TIAM1: variants seen among roughly 807,000 people sequenced by gnomAD.
TIAM1 encodes the protein TIAM Rac1 associated GEF 1.
Under a neutral mutation model 163.5 loss-of-function variants are expected in TIAM1, and 65 were observed. That is an observed-to-expected ratio of 0.40 (90% CI 0.33 to 0.49). TIAM1 has a LOEUF of 0.49. TIAM1 is among the 20% of genes least tolerant of loss of function. The pLI, the probability that TIAM1 is intolerant of heterozygous loss-of-function variation, is 0.77. For synonymous variants in TIAM1, 833 were observed against 810.1 expected (o/e 1.03, Z -0.48); for missense variants, 1,789 against 2,044.7 (o/e 0.87, Z 2.41).
intron 10 of TIAM1, among the ~76,000 whole-genome samples, chr21:31,210,714 AG>A (rs1569033706): frequency 9.5e-5 from 11 of 115,596 alleles, no homozygotes; most frequent in South Asian, 7.8e-4. Context: ...AGAGAAAGAA[AG>A]AGAAAGAAAG....
At position 31,124,774 on chromosome 21, in the gene TIAM1, A is replaced by T. The variant is rs111612175; in HGVS notation, c.4134-80T>A. The T allele has an allele frequency of 8.6e-5, 107 of 1,244,418 alleles. 4 individuals are homozygous for T. In the African/African-American group the frequency reaches 1.2e-3, roughly 14 times the overall value. The allele number at this position is 1,244,418 out of a possible 1,614,324, so 77.1% of individuals were successfully genotyped here. ...CTTCTAAGGTTATCAGGTGCAACCA[A>T]ATAAATATCCCTTAGGGCCAAAGGC... On this transcript the variant is annotated intron_variant, in intron 26 of 27. Transcript: ENST00000541036.
intron 2 of TIAM1, among the ~76,000 whole-genome samples, chr21:31,373,064 A>AAAAG (rs1317778648): frequency 2.1e-5 from 3 of 145,310 alleles, no homozygotes; most frequent in African/African-American, 7.9e-5. Flanking sequence ...TCAAAAAAAA[A>AAAAG]AAAAGAAAAG....
chr21:31,430,224 A>AT lies in TIAM1; in HGVS notation c.-369+33758_-369+33759insA, dbSNP rs1569324239. Among the ~76,000 whole-genome samples the AT allele has an allele frequency of 5.1e-3, 465 of 90,812 alleles. 1 individual carries two copies. Among genetic ancestry groups the AT allele is most frequent in the African/African-American group, 0.012 (208 of 17,074 alleles). 59.6% of individuals were successfully genotyped at this position (90,812 alleles called of 152,430 possible). The stretch of plus-strand genomic sequence containing the variant: ...TCCATCTCAAAGAAAAAAAAAAAAA[A>AT]AATATATATATATATATATATATAC... On this transcript the variant is annotated intron_variant, in intron 2 of 28. Coordinates refer to the TIAM1 transcript ENST00000286827.
chr21:31,467,553 G>T (rs2045576710), intron 1 of TIAM1, among the ~76,000 whole-genome samples: 1 of 151,620 alleles, frequency 6.6e-6, no homozygotes, highest in Non-Finnish European at 1.5e-5. Flanking sequence ...TTGAACCCAG[G>T]AGGCAGAGGT....
chr21:31,461,792 G>A (rs1262309558), intron 2 of TIAM1, among the ~76,000 whole-genome samples: 2 of 151,914 alleles, frequency 1.3e-5, no homozygotes, highest in Non-Finnish European at 2.9e-5. Context: ...CAGCCTCCCG[G>A]CCAGCTGGGA....
rs140343985 is a variant in TIAM1 at position 31,266,480 on chromosome 21, A to C, written c.493T>G (p.Phe165Val). 8 of 1,614,024 alleles carry C rather than the reference A, an allele frequency of 5.0e-6. No homozygotes were observed. Among genetic ancestry groups the C allele is most frequent in the African/African-American group, 1.3e-5 (1 of 74,916 alleles). ...NGPTFMETAS[F>V]KKKRSKSADI... ...GCAGATTTGGAGCGTTTCTTCTTAA[A>C]GCTCGCCGTCTCCATGAAAGTGGGC... Residue 165 changes from phenylalanine (F) to valine (V), a missense_variant, in exon 4 of 28, where the codon TTT becomes GTT. Physicochemically the swap from Phe to Val is conservative, Grantham distance 50. Coordinates refer to ENST00000541036, the MANE Select transcript of TIAM1 (RefSeq NM_001353694.2).
At position 31,395,465 on chromosome 21, in the gene TIAM1, G is replaced by C. The variant is rs527782069; in HGVS notation, c.-368-56043C>G. Reference sequence around the variant, plus strand: ...GAGCAGCAGGGAAAATTGGACAAGAGGGGCCCTCGGAGACCGAGGTCATCT... The same window carrying C: ...GAGCAGCAGGGAAAATTGGACAAGACGGGCCCTCGGAGACCGAGGTCATCT... On this transcript the variant is annotated intron_variant, in intron 2 of 28. Coordinates refer to the TIAM1 transcript ENST00000286827. This position sits in a 1 kb window ranked among gnomAD's most constrained non-coding sequence, Gnocchi z 7.5. Among the ~76,000 whole-genome samples, 3 of 152,250 alleles carry C rather than the reference G, an allele frequency of 2.0e-5. No homozygotes were observed. Among genetic ancestry groups the C allele is most frequent in the African/African-American group, 7.2e-5 (3 of 41,546 alleles).
intron 1 of TIAM1, among the ~76,000 whole-genome samples, chr21:31,472,721 A>G (rs899741910): frequency 7.2e-5 from 11 of 152,198 alleles, no homozygotes; most frequent in African/African-American, 2.7e-4. Context: ...TCTGTAATTT[A>G]ATGTTCCTAA....
At chr21:31,549,566 T>C (rs1218980261) in intron 1 of TIAM1, among the ~76,000 whole-genome samples, 6 of 152,202 alleles carry the variant, frequency 3.9e-5, no homozygotes, top group Non-Finnish European at 8.8e-5. Context: ...CGATGTTCTG[T>C]TCAATGACAT....
At chr21:31,406,710 C>T (rs1036898103) in intron 2 of TIAM1, among the ~76,000 whole-genome samples, 1 of 152,134 alleles carries the variant, frequency 6.6e-6, no homozygotes, top group Non-Finnish European at 1.5e-5. Flanking sequence ...GCTCTCAGCC[C>T]TGTAGGTAGA....
At chr21:31,156,275 T>C (rs1227798284) in intron 16 of TIAM1, among the ~76,000 whole-genome samples, 1 of 152,226 alleles carries the variant, frequency 6.6e-6, no homozygotes, top group Non-Finnish European at 1.5e-5. Context: ...CCACAGCTTA[T>C]TCATTGCTAG....
At chr21:31,543,814 G>A (rs114039381) in intron 1 of TIAM1, among the ~76,000 whole-genome samples, 101 of 152,304 alleles carry the variant, frequency 6.6e-4, no homozygotes, top group African/African-American at 2.4e-3. Flanking sequence ...CATAGCCACC[G>A]AAAGTTTAAA....
chr21:31,245,608 G>A lies in TIAM1; in HGVS notation c.1464C>T (p.Asn488=), dbSNP rs767333120. The stretch of plus-strand genomic sequence containing the variant: ...CCCAGACGGCGTGTTTGGGGATGCT[G>A]TTGTGGTCTATCCCAGACCTGCCGT... ...ESDGRSGIDH[N]SIPKHAVWVE... The change falls in exon 6 of 28, where the codon AAC becomes AAT. Residue 488 remains asparagine, a synonymous_variant. Transcript: ENST00000541036. The A allele has an allele frequency of 5.0e-5, 80 of 1,605,972 alleles. No individual in the cohort carries two copies. The highest frequency in any genetic ancestry group is 1.2e-4 in the African/African-American group (9 of 74,558).
chr21:31,521,876 A>G (rs2047606631), intron 1 of TIAM1, among the ~76,000 whole-genome samples: 1 of 151,846 alleles, frequency 6.6e-6, no homozygotes, highest in Non-Finnish European at 1.5e-5. Context: ...GGCTCTTAAT[A>G]ATTCTTTTTT....
intron 1 of TIAM1, among the ~76,000 whole-genome samples, chr21:31,476,495 G>A (rs773142940): frequency 5.9e-5 from 9 of 152,170 alleles, no homozygotes; most frequent in Non-Finnish European, 1.2e-4. Flanking sequence ...CATTTTGTGT[G>A]TACTTGTTCT....
chr21:31,186,369 C>G (rs1171891030), intron 14 of TIAM1, among the ~76,000 whole-genome samples: 1 of 152,188 alleles, frequency 6.6e-6, no homozygotes. Context: ...GACCAAAGTA[C>G]AGAGGGGTCT....
intron 1 of TIAM1, among the ~76,000 whole-genome samples, chr21:31,484,265 C>A (rs143723315): frequency 8.4e-4 from 128 of 152,316 alleles, no homozygotes; most frequent in African/African-American, 2.9e-3. Context: ...GAACACTGTA[C>A]CCCAACTGCC....
At chr21:31,368,823 A>C (rs1039089253) in intron 2 of TIAM1, among the ~76,000 whole-genome samples, 1 of 152,226 alleles carries the variant, frequency 6.6e-6, no homozygotes, top group African/African-American at 2.4e-5. Context: ...AAAACTAAAG[A>C]TATTAAATTA....
Position 31,513,203 on chromosome 21 carries a change from A to G in TIAM1, c.-422+45724T>C, listed in dbSNP as rs574950758. Among the ~76,000 whole-genome samples the G allele has an allele frequency of 1.3e-4, 20 of 152,280 alleles. 1 individual carries two copies. The South Asian group carries it at 3.9e-3, about 30-fold the overall frequency. On this transcript the variant is annotated intron_variant, in intron 1 of 28. Transcript: ENST00000286827. ...CATATACACGTACCATGTTCCAGAC[A>G]CTATTTTAAACCCTTCACAAATATT... is the stretch of plus-strand genomic sequence containing the variant.
Sources: allele counts gnomAD v4.1 joint callset (sites outside exome capture counted in the v4.1 genomes callset), GRCh38; gene constraint gnomAD v4.1.1; non-coding constraint Gnocchi (gnomAD v3.1); transcripts MANE v1.5; gene names NCBI Gene and HGNC (gene_info 2026-07-23, HGNC 2026-07-21).